Variants in ASPHD1 observed in about 807,000 individuals in gnomAD.
The protein encoded by ASPHD1 is aspartate beta-hydroxylase domain-containing protein 1.
A neutral mutation model predicts 28.3 loss-of-function variants in ASPHD1; 20 were observed. That is an observed-to-expected ratio of 0.71 (90% CI 0.50 to 1.03). The LOEUF (loss-of-function observed/expected upper bound fraction) is 1.03. ASPHD1 is among the 50% of genes least tolerant of loss of function. ASPHD1 has a pLI of 0.00. For missense variants in ASPHD1, 479 were observed against 524.1 expected (o/e 0.91, Z 0.84); for synonymous variants, 240 against 221.2 (o/e 1.08, Z -0.75).
intron 3 of ASPHD1, chr16:29,911,798 C>T (rs760892088): frequency 6.8e-6 from 11 of 1,611,860 alleles, no homozygotes; most frequent in Middle Eastern, 2.0e-4. Flanking sequence ...CCCAGTGCCC[C>T]GCACCCCGGC....
chr16:29,906,148 C>CTTTTTTTTTTTTTTTTTTT (rs770827164), downstream of ASPHD1: 1 of 175,530 alleles, frequency 5.7e-6, no homozygotes, highest in Admixed American at 6.9e-5. Context: ...TTTTTTCTTT[C>CTTTTTTTTTTTTTTTTTTT]TTTTTTTTTT....
In ASPHD1 at chr16:29,901,001, GGA is replaced by G. The variant is rs759406528; in HGVS notation, c.36_37del (p.Gly13ThrfsTer128). On this transcript the variant is annotated frameshift_variant, in exon 1 of 3. Transcript: ENST00000308748. LOFTEE classifies it high-confidence loss of function. The surrounding 1 kb of genome is among the most constrained non-coding windows in gnomAD (Gnocchi z 5.1). Reference protein sequence around the residue: MKEGRGSFSVERGPRKERETA... With the variant: MKEGRGSFSVXRGPRKERETA... ...AGGAGGGGAGAGGGAGCTTCAGCGTGGAGAGAGGACCGCGGAAGGAGAGAGAG... is the reference window on the plus strand; with the variant it reads ...AGGAGGGGAGAGGGAGCTTCAGCGTGGAGAGGACCGCGGAAGGAGAGAGAG... 3 of 1,561,828 alleles carry G rather than the reference GGA, an allele frequency of 1.9e-6. No homozygotes were observed. The highest frequency in any genetic ancestry group is 1.7e-4 in the Middle Eastern group (1 of 5,964).
downstream of ASPHD1, chr16:29,907,210 A>G (rs2068629287): frequency 5.1e-6 from 4 of 785,762 alleles, no homozygotes; most frequent in Non-Finnish European, 8.3e-6. Flanking sequence ...CTAGCCCTGC[A>G]GTCAGGTCCT....
chr16:29,911,847 G>A (rs1156858608), intron 3 of ASPHD1: 4 of 1,612,506 alleles, frequency 2.5e-6, no homozygotes, highest in Non-Finnish European at 3.4e-6. Context: ...TACTGCGGTT[G>A]TGCAGGAGCT....
rs1326259948 is a variant in ASPHD1 at position 29,905,868 on chromosome 16, C to T, written c.1144C>T (p.Leu382Phe). 6 of 1,613,620 alleles carry T rather than the reference C, an allele frequency of 3.7e-6. No individual in the cohort carries two copies. Among genetic ancestry groups the T allele is most frequent in the Non-Finnish European group, 5.1e-6 (6 of 1,179,758 alleles). Reference sequence around the variant, plus strand: ...CGTGGCAGGGGCTGAGCGCCAGGCCCTCGACTTTGTCTTCGCCCCAGACCC... The same window carrying T: ...CGTGGCAGGGGCTGAGCGCCAGGCCTTCGACTTTGTCTTCGCCCCAGACCC... ...PNVAGAERQA[L>F]DFVFAPDP The change falls in exon 3 of 3, where the codon CTC becomes TTC. Residue 382 changes from leucine (L) to phenylalanine (F), a missense_variant. Coordinates refer to ENST00000308748, the MANE Select transcript of ASPHD1 (RefSeq NM_181718.4).
Position 29,900,904 on chromosome 16 carries a change from G to C in ASPHD1, c.-68G>C. The C allele has an allele frequency of 1.4e-6, 2 of 1,409,586 alleles. No homozygotes were observed. Among genetic ancestry groups the C allele is most frequent in the Non-Finnish European group, 2.0e-6 (2 of 1,024,482 alleles). The allele number at this position is 1,409,586 out of a possible 1,614,324, so 87.3% of individuals were successfully genotyped here. On this transcript the variant is annotated 5_prime_UTR_variant, in exon 1 of 3. Coordinates refer to ENST00000308748, the MANE Select transcript of ASPHD1 (RefSeq NM_181718.4). ...GAAGAGGGTGAGGAGGCGACAGAGG[G>C]AGAGGAGGAAGAAGAGGTAGAAGGA...
intron 1 of ASPHD1, among the ~76,000 whole-genome samples, chr16:29,902,902 T>C (rs1387050926): frequency 6.9e-6 from 1 of 144,552 alleles, no homozygotes; most frequent in Non-Finnish European, 1.5e-5. Context: ...TTTTTTTTTT[T>C]TTTGAGACAG....
chr16:29,913,143 T>TTTTA (rs1218669719), intron 3 of ASPHD1: 1 of 144,986 alleles, frequency 6.9e-6, no homozygotes, highest in Non-Finnish European at 1.5e-5. Context: ...TTTTTTTTTT[T>TTTTA]GAGACAGGGT....
chr16:29,910,397 AAAT>A (rs142518050), downstream of ASPHD1, among the ~76,000 whole-genome samples: 5 of 151,336 alleles, frequency 3.3e-5, no homozygotes, highest in African/African-American at 4.9e-5. Flanking sequence ...ACTCCATCTC[AAAT>A]AATAATAATA....
upstream of ASPHD1, chr16:29,900,478 C>CT (rs1318280153): frequency 1.3e-5 from 2 of 159,970 alleles, no homozygotes; most frequent in African/African-American, 4.8e-5. Flanking sequence ...ACTCTCCCCC[C>CT]TCCCCCGGCA....
intron 1 of ASPHD1, among the ~76,000 whole-genome samples, chr16:29,902,709 G>A (rs1014702120): frequency 1.3e-5 from 2 of 151,738 alleles, no homozygotes; most frequent in African/African-American, 4.8e-5. Context: ...TGAAGACAGG[G>A]TTTCACCATG....
At chr16:29,911,571 A>G in intron 3 of ASPHD1, 1 of 593,648 alleles carries the variant, frequency 1.7e-6, no homozygotes, top group Non-Finnish European at 3.0e-6. Flanking sequence ...GAATGAGAGC[A>G]CTTGGGATAG....
intron 3 of ASPHD1, among the ~76,000 whole-genome samples, chr16:29,917,814 G>A (rs1362757130): frequency 3.9e-4 from 59 of 151,990 alleles, no homozygotes; most frequent in Non-Finnish European, 1.5e-5. Flanking sequence ...CAGGTGTCAT[G>A]GTGCACGCCT....
In ASPHD1 at chr16:29,900,664, A is replaced by G; in HGVS notation, c.-308A>G. The G allele has an allele frequency of 2.1e-6, 1 of 485,242 alleles. No homozygotes were observed. The highest frequency in any genetic ancestry group is 3.7e-6 in the Non-Finnish European group (1 of 269,894). 30.1% of individuals were successfully genotyped at this position (485,242 alleles called of 1,614,324 possible). A position where few individuals can be genotyped will look rare whatever the true frequency, so the allele number is the denominator to read the frequency against. On this transcript the variant is annotated 5_prime_UTR_variant, in exon 1 of 3. Transcript: ENST00000308748. ...TAGTGAGGAGCGAGGGCAAGGAGAG[A>G]GCAGTGAGGCCGGAGAGAAAGAAGC...
chr16:29,906,143 TC>T, downstream of ASPHD1: 1 of 309,896 alleles, frequency 3.2e-6, no homozygotes, highest in Non-Finnish European at 5.9e-6. Flanking sequence ...TCCTTTTTTT[TC>T]TTTCTTTTTT....
At chr16:29,908,798 G>T (rs1182209452), downstream of ASPHD1, among the ~76,000 whole-genome samples, 1 of 151,780 alleles carries the variant, frequency 6.6e-6, no homozygotes, top group Non-Finnish European at 1.5e-5. Context: ...AACCTCCCGG[G>T]CTCAAGTGAT....
At chr16:29,902,891 T>TC (rs1274664841) in intron 1 of ASPHD1, among the ~76,000 whole-genome samples, 3 of 141,514 alleles carry the variant, frequency 2.1e-5, no homozygotes, top group African/African-American at 7.8e-5. Flanking sequence ...TTCTTTTTCT[T>TC]TTTTTTTTTT....
At chr16:29,907,235 C>A (rs1332480964), downstream of ASPHD1, 3 of 636,994 alleles carry the variant, frequency 4.7e-6, no homozygotes, top group Non-Finnish European at 8.2e-6. Context: ...CCTGGCCTGG[C>A]CTCTCTGCCA....
chr16:29,917,553 G>A (rs1212951028), intron 3 of ASPHD1, among the ~76,000 whole-genome samples: 3 of 151,992 alleles, frequency 2.0e-5, no homozygotes, highest in African/African-American at 7.2e-5. Flanking sequence ...AGACCAAGGC[G>A]GGCGGATCAC....
Sources: allele counts gnomAD v4.1 joint callset (sites outside exome capture counted in the v4.1 genomes callset), GRCh38; gene constraint gnomAD v4.1.1; non-coding constraint Gnocchi (gnomAD v3.1); transcripts MANE v1.5; gene names NCBI Gene and HGNC (gene_info 2026-07-23, HGNC 2026-07-21).